DSCAM: variants seen among roughly 807,000 people sequenced by gnomAD.
DSCAM encodes the protein DS cell adhesion molecule.
In DSCAM, 47 loss-of-function variants were observed where a neutral mutation model predicts 217.7. The observed-to-expected ratio is 0.22, with a 90% CI of 0.17 to 0.28. The LOEUF (loss-of-function observed/expected upper bound fraction) is 0.28, where lower values mean the gene tolerates loss of function less well. Ranked by LOEUF, DSCAM falls within the 10% of genes least tolerant of loss-of-function variation. The pLI, the probability that DSCAM is intolerant of heterozygous loss-of-function variation, is 1.00. For missense variants in DSCAM, 2,080 were observed against 2,618.3 expected, an observed-to-expected ratio of 0.79 and a Z score of 4.49; for synonymous variants, 1,056 against 1,015.3, an observed-to-expected ratio of 1.04 and a Z score of -0.76.
At chr21:40,272,879 G>C (rs1198830630) in intron 11 of DSCAM, among the ~76,000 whole-genome samples, 4 of 150,272 alleles carry the variant, frequency 2.7e-5, no homozygotes, top group Admixed American at 1.3e-4. Flanking sequence ...TTTTTTTTCA[G>C]TTTGAGATCC....
chr21:40,215,485 A>AG (rs200446039), intron 11 of DSCAM, among the ~76,000 whole-genome samples: 16 of 152,130 alleles, frequency 1.1e-4, no homozygotes, highest in Non-Finnish European at 2.2e-4. Flanking sequence ...CCATAAAAAA[A>AG]AATATAATGA....
rs371306908 is a variant in DSCAM at position 40,646,540 on chromosome 21, C to G, written c.508+46270G>C. Among the ~76,000 whole-genome samples the G allele has an allele frequency of 4.7e-4, 71 of 152,284 alleles. 3 individuals are homozygous for G. The South Asian group carries it at 0.014, about 30-fold the overall frequency. On this transcript the variant is annotated intron_variant, in intron 3 of 32. Coordinates refer to ENST00000400454, the MANE Select transcript of DSCAM (RefSeq NM_001389.5). ...TGTTGCCCACCAAACTTCCTACAAACTTAGTTTCTGTTCTCTAGACATATC... is the reference window on the plus strand; with the variant it reads ...TGTTGCCCACCAAACTTCCTACAAAGTTAGTTTCTGTTCTCTAGACATATC...
At chr21:40,154,971 T>C (rs887707476) in intron 16 of DSCAM, among the ~76,000 whole-genome samples, 1 of 152,152 alleles carries the variant, frequency 6.6e-6, no homozygotes, top group African/African-American at 2.4e-5. Flanking sequence ...TAGAAATAGA[T>C]TGATAATTTT....
chr21:40,080,171 T>G lies in DSCAM; in HGVS notation c.4401A>C (p.Glu1467Asp). The change falls in exon 25 of 33, where the codon GAA becomes GAC. Residue 1467 changes from glutamate to aspartate, a missense_variant. Coordinates refer to ENST00000400454, the MANE Select transcript of DSCAM (RefSeq NM_001389.5). ...VGPGRISEII[E>D]AKTLGKEPQF... ...ACCTACCTTTTCCTAAGGTCTTTGC[T>G]TCTATGATTTCACTTATGCGCCCTG... is the stretch of plus-strand genomic sequence containing the variant. 6.4e-7 allele frequency: 1 copy of G among 1,574,112 alleles called. No homozygotes were observed. Among genetic ancestry groups the G allele is most frequent in the Non-Finnish European group, 8.6e-7 (1 of 1,161,348 alleles).
chr21:40,425,732 G>A (rs933080886), intron 3 of DSCAM, among the ~76,000 whole-genome samples: 4 of 144,972 alleles, frequency 2.8e-5, no homozygotes, highest in Non-Finnish European at 6.0e-5. Context: ...CAAAAATACA[G>A]CTTTTTTTCT....
intron 3 of DSCAM, among the ~76,000 whole-genome samples, chr21:40,662,949 A>G (rs1276807042): frequency 1.3e-5 from 2 of 152,100 alleles, no homozygotes; most frequent in African/African-American, 4.8e-5. Context: ...AAAAGGGGAG[A>G]GTGCCTGAGG....
intron 20 of DSCAM, among the ~76,000 whole-genome samples, chr21:40,123,029 G>A (rs916116967): frequency 2.6e-5 from 4 of 152,244 alleles, no homozygotes; most frequent in African/African-American, 4.8e-5. Context: ...CATGTCAAGT[G>A]AAACGAGCTG....
chr21:40,604,502 A>G (rs2089205471), intron 3 of DSCAM, among the ~76,000 whole-genome samples: 1 of 152,176 alleles, frequency 6.6e-6, no homozygotes, highest in Non-Finnish European at 1.5e-5. Flanking sequence ...ATTTGTTGAG[A>G]GTCAGACACA....
intron 8 of DSCAM, 33 bp downstream of exon 8, chr21:40,338,068 G>T: frequency 6.2e-7 from 1 of 1,606,540 alleles, no homozygotes; most frequent in South Asian, 1.1e-5. Context: ...GCTATGGAAT[G>T]AGTTGTGTGG....
At chr21:40,615,417 T>C (rs1013419805) in intron 3 of DSCAM, 8 of 151,846 alleles carry the variant, frequency 5.3e-5, no homozygotes, top group Non-Finnish European at 1.0e-4. Flanking sequence ...AGTTCTGCTT[T>C]ACTATTAAAA....
intron 3 of DSCAM, among the ~76,000 whole-genome samples, chr21:40,549,970 T>A (rs1003122382): frequency 6.6e-6 from 1 of 152,226 alleles, no homozygotes; most frequent in African/African-American, 2.4e-5. Context: ...CAAAGAGTCT[T>A]GCTTTATGGA....
chr21:40,274,106 T>C (rs77729083), intron 11 of DSCAM, among the ~76,000 whole-genome samples: 5,407 of 152,230 alleles, frequency 0.036, 306 homozygotes, highest in African/African-American at 0.12. Context: ...TGGACATATA[T>C]CCACTCAATT....
In DSCAM at chr21:40,752,847, A is replaced by G. The variant is rs946109211; in HGVS notation, c.44-44076T>C. Among the ~76,000 whole-genome samples the G allele has an allele frequency of 4.2e-4, 64 of 152,238 alleles. 1 individual carries two copies. The highest frequency in any genetic ancestry group is 1.2e-4 in the Non-Finnish European group (8 of 68,046). On this transcript the variant is annotated intron_variant, in intron 1 of 32. Transcript: ENST00000400454. ...GGGAGAAGAGGGAAGCAAGGAGGAA[A>G]GGCAAGTGTTTTGTTCACTAGTATA...
intron 30 of DSCAM, among the ~76,000 whole-genome samples, chr21:40,045,308 T>C (rs1469563756): frequency 2.0e-5 from 3 of 152,228 alleles, no homozygotes; most frequent in African/African-American, 7.2e-5. Context: ...GTCCCAACTC[T>C]CCTTAAGGCC....
In DSCAM at chr21:40,179,004, C is replaced by T; in HGVS notation, c.2870G>A (p.Ser957Asn). 6.2e-7 allele frequency: 1 copy of T among 1,613,912 alleles called. No homozygotes were observed. ...IIDIHPSSTY[S>N]IRMYAKNRIG... ...CCGGTTCTTGGCGTACATGCGGATGCTGTAGGTGGAGGAAGGGTGGATATC... is the reference window on the plus strand; with the variant it reads ...CCGGTTCTTGGCGTACATGCGGATGTTGTAGGTGGAGGAAGGGTGGATATC... The change falls in exon 15 of 33, where the codon AGC becomes AAC. Residue 957 changes from serine to asparagine, a missense_variant. By Grantham distance (46) the Ser-to-Asn change is conservative. This residue lies in a region of DSCAM where 1,144 missense variants were observed against 1,421.1 expected (regional missense o/e 0.81). Transcript: ENST00000400454.
intron 11 of DSCAM, among the ~76,000 whole-genome samples, chr21:40,227,769 T>C (rs997115853): frequency 2.0e-5 from 3 of 152,222 alleles, no homozygotes; most frequent in Non-Finnish European, 4.4e-5. Context: ...CATCTCCACA[T>C]CCAGTTCCTC....
At chr21:40,123,830 G>C (rs1568952690) in intron 20 of DSCAM, among the ~76,000 whole-genome samples, 1 of 151,724 alleles carries the variant, frequency 6.6e-6, no homozygotes. Flanking sequence ...GGGAGGGAAG[G>C]CGTGAAGTGC....
chr21:40,328,612 A>T (rs568726543), intron 8 of DSCAM, among the ~76,000 whole-genome samples: 2 of 152,306 alleles, frequency 1.3e-5, no homozygotes, highest in Admixed American at 1.3e-4. Context: ...CATGGACAAC[A>T]AACGCAAAAA....
At chr21:40,180,304 A>T (rs1414269684) in intron 14 of DSCAM, among the ~76,000 whole-genome samples, 1 of 152,216 alleles carries the variant, frequency 6.6e-6, no homozygotes, top group Non-Finnish European at 1.5e-5. Flanking sequence ...GATTTTCTGG[A>T]ATTGAAGAAA....
Sources: gnomAD v4.1 joint callset for allele counts (sites outside exome capture counted in the v4.1 genomes callset) on GRCh38, gnomAD v4.1.1 for gene constraint, gnomAD v4.1.1 regional missense constraint, MANE v1.5 for transcripts, NCBI Gene and HGNC (gene_info 2026-07-23, HGNC 2026-07-21) for gene names.